The following PTPRJ variants were observed in gnomAD, a reference collection of about 807,000 sequenced individuals.
PTPRJ encodes receptor-type tyrosine-protein phosphatase eta.
Under a neutral mutation model 141.3 loss-of-function variants are expected in PTPRJ, and 129 were observed. That is an observed-to-expected ratio of 0.91 (90% confidence interval 0.79 to 1.06). The LOEUF (loss-of-function observed/expected upper bound fraction) is 1.06. Ranked by LOEUF, PTPRJ falls within the 50% of genes least tolerant of loss-of-function variation. The pLI is 0.00. For missense variants in PTPRJ, 1,601 were observed against 1,679.7 expected, an observed-to-expected ratio of 0.95 and a Z score of 0.82; for synonymous variants, 610 against 640.5, an observed-to-expected ratio of 0.95 and a Z score of 0.72.
At chr11:48,081,169 C>T (rs1264395362) in intron 1 of PTPRJ, among the ~76,000 whole-genome samples, 1 of 152,238 alleles carries the variant, frequency 6.6e-6, no homozygotes, top group Non-Finnish European at 1.5e-5. Flanking sequence ...GGTGCCCAGC[C>T]TTCTGGAATA....
intron 6 of PTPRJ, among the ~76,000 whole-genome samples, chr11:48,126,775 AACACACACACACACACAC>A (rs10599361): frequency 1.0e-4 from 14 of 137,240 alleles, no homozygotes; most frequent in South Asian, 2.4e-4. Flanking sequence ...AGTCTGTTGC[AACACACACACACACACAC>A]ACACACACAC....
At chr11:48,116,116 T>C (rs1035635602) in intron 3 of PTPRJ, among the ~76,000 whole-genome samples, 1 of 150,386 alleles carries the variant, frequency 6.6e-6, no homozygotes, top group African/African-American at 2.4e-5. Context: ...TCAAAAGACA[T>C]AGAGTGCGTG....
intron 1 of PTPRJ, among the ~76,000 whole-genome samples, chr11:48,066,556 AT>A (rs1276686880): frequency 1.2e-3 from 5 of 4,164 alleles, no homozygotes; most frequent in East Asian, 9.3e-3. Context: ...ATCCAGTCGT[AT>A]TATTATTATT....
chr11:48,036,759 T>C lies in PTPRJ; in HGVS notation c.96+55751T>C, dbSNP rs1422667974. On this transcript the variant is annotated intron_variant, in intron 1 of 24. Coordinates refer to ENST00000418331, the MANE Select transcript of PTPRJ (RefSeq NM_002843.4). ...TGTCTGCCTTCAAATCCAGCGCTCT[T>C]TATACTGATGTGAGTTCTCCTGTCT... Among the ~76,000 whole-genome samples, 6 of 152,210 alleles carry C rather than the reference T, an allele frequency of 3.9e-5. 1 individual carries two copies. The East Asian group carries it at 1.2e-3, about 29-fold the overall frequency.
At chr11:48,023,497 T>G (rs2134214877) in intron 1 of PTPRJ, among the ~76,000 whole-genome samples, 1 of 152,218 alleles carries the variant, frequency 6.6e-6, no homozygotes, top group South Asian at 2.1e-4. Context: ...AAGTGGGAAT[T>G]TACCGGCCGG....
rs1386719309 is a variant in PTPRJ, at chr11:48,168,481, A to G, written c.*1119A>G. On this transcript the variant is annotated 3_prime_UTR_variant, in exon 25 of 25. Transcript: ENST00000418331. ...TGTCAGATTAATCCCTCCTTCCCCA[A>G]AGTCCACTGGCTTTCGTCTCTCTCT... 2 of 136,072 alleles carry G rather than the reference A, an allele frequency of 1.5e-5. No individual in the cohort carries two copies. Among genetic ancestry groups the G allele is most frequent in the Admixed American group, 7.8e-5 (1 of 12,854 alleles). 8.4% of individuals were successfully genotyped at this position (136,072 alleles called of 1,614,324 possible).
intron 1 of PTPRJ, among the ~76,000 whole-genome samples, chr11:48,105,246 T>A (rs1406097805): frequency 6.7e-6 from 1 of 149,834 alleles, no homozygotes; most frequent in Non-Finnish European, 1.5e-5. Flanking sequence ...CGCACCCAGA[T>A]CTTTCACTGC....
At chr11:48,028,413 A>G (rs751589980) in intron 1 of PTPRJ, among the ~76,000 whole-genome samples, 2 of 152,092 alleles carry the variant, frequency 1.3e-5, no homozygotes, top group Non-Finnish European at 2.9e-5. Context: ...TTGTTTTAAA[A>G]CCTTGTGTGG....
At chr11:48,141,058 G>C (rs1323918713) in intron 11 of PTPRJ, among the ~76,000 whole-genome samples, 1 of 152,136 alleles carries the variant, frequency 6.6e-6, no homozygotes, top group Non-Finnish European at 1.5e-5. Flanking sequence ...ATGAGAACAG[G>C]CTGGGCGTGG....
rs1280517774 is a variant in PTPRJ, at chr11:48,129,399, C to T, written c.1358-1060C>T. ...CATGGTTGTCCTTAGTCTGCGTGTGCCTATGCCCTCATCTCCCTTTATAAG... is the reference window on the plus strand; with the variant it reads ...CATGGTTGTCCTTAGTCTGCGTGTGTCTATGCCCTCATCTCCCTTTATAAG... On this transcript the variant is annotated intron_variant, in intron 7 of 24. Transcript: ENST00000418331. Among the ~76,000 whole-genome samples, 5 of 152,266 alleles carry T rather than the reference C, an allele frequency of 3.3e-5. No individual in the cohort carries two copies. The East Asian group carries it at 7.7e-4, about 23-fold the overall frequency.
At chr11:48,065,492 G>GA (rs1400714304) in intron 1 of PTPRJ, among the ~76,000 whole-genome samples, 1 of 152,104 alleles carries the variant, frequency 6.6e-6, no homozygotes, top group Non-Finnish European at 1.5e-5. Context: ...ACATGTTCTA[G>GA]AAACATCTGT....
chr11:48,117,871 G>A (rs1014827339), intron 3 of PTPRJ, among the ~76,000 whole-genome samples: 3 of 151,910 alleles, frequency 2.0e-5, no homozygotes, highest in African/African-American at 7.3e-5. Flanking sequence ...AAGAAAATCA[G>A]AAATGAGACA....
intron 1 of PTPRJ, among the ~76,000 whole-genome samples, chr11:48,102,967 GAGTTGCTAGACCATTCTGGGACA>G (rs1189518777): frequency 1.3e-5 from 2 of 152,056 alleles, no homozygotes; most frequent in African/African-American, 4.8e-5. Context: ...GTTCTGGGTT[GAGTTGCTAGACCATTCTGGGACA>G]AGTTGCTAGA....
At position 48,147,074 on chromosome 11, in the gene PTPRJ, T is replaced by G. The variant is rs556183666; in HGVS notation, c.2999+111T>G. 58 of 913,350 alleles carry G rather than the reference T, an allele frequency of 6.4e-5. No homozygotes were observed. The East Asian group carries it at 1.4e-3, about 22-fold the overall frequency. The allele number at this position is 913,350 out of a possible 1,614,324, so 56.6% of individuals were successfully genotyped here. ...AGGAATGATATGATGAGCGCCATGT[T>G]CCCTTCACCCATAGTGTTCTGCATT... On this transcript the variant is annotated intron_variant, in intron 15 of 24. Transcript: ENST00000418331.
intron 1 of PTPRJ, among the ~76,000 whole-genome samples, chr11:47,992,581 G>A (rs1854224094): frequency 1.3e-5 from 2 of 152,258 alleles, no homozygotes; most frequent in Admixed American, 6.5e-5. Flanking sequence ...TAAAGTTACT[G>A]TTTTTGGTCC....
At chr11:48,041,772 G>A (rs539505892) in intron 1 of PTPRJ, among the ~76,000 whole-genome samples, 7 of 152,040 alleles carry the variant, frequency 4.6e-5, no homozygotes, top group Non-Finnish European at 7.4e-5. Flanking sequence ...CCACAGGCAC[G>A]TGCCACCATG....
intron 1 of PTPRJ, among the ~76,000 whole-genome samples, chr11:48,009,691 C>T (rs984903721): frequency 1.3e-5 from 2 of 152,236 alleles, no homozygotes; most frequent in African/African-American, 4.8e-5. Context: ...TAAAAAGCAA[C>T]TTAGGCAGAC....
Position 47,980,721 on chromosome 11 carries a change from G to A in PTPRJ, c.-192G>A. The A allele has an allele frequency of 3.0e-6, 3 of 1,001,538 alleles. No homozygotes were observed. Among genetic ancestry groups the A allele is most frequent in the Non-Finnish European group, 3.6e-6 (3 of 842,324 alleles). The allele number at this position is 1,001,538 out of a possible 1,614,324, so 62.0% of individuals were successfully genotyped here. On this transcript the variant is annotated 5_prime_UTR_variant, in exon 1 of 25. The change creates a new upstream start codon in the 5' untranslated region. Coordinates refer to ENST00000418331, the MANE Select transcript of PTPRJ (RefSeq NM_002843.4). ...CGGCAGCCGCGCTAGGCTCCGGCGTGTGGCCGCGGCCGCCGCCGCCGCTGC... is the reference window on the plus strand; with the variant it reads ...CGGCAGCCGCGCTAGGCTCCGGCGTATGGCCGCGGCCGCCGCCGCCGCTGC...
intron 1 of PTPRJ, among the ~76,000 whole-genome samples, chr11:48,000,615 A>G (rs1001921178): frequency 6.7e-6 from 1 of 150,322 alleles, no homozygotes; most frequent in Non-Finnish European, 1.5e-5. Context: ...CTGGCTACCC[A>G]CTCCCTGTTC....
Sources: gnomAD v4.1 joint callset for allele counts (sites outside exome capture counted in the v4.1 genomes callset) on GRCh38, gnomAD v4.1.1 for gene constraint, MANE v1.5 for transcripts, NCBI Gene and HGNC (gene_info 2026-07-23, HGNC 2026-07-21) for gene names.